The following ZNF362 variants were observed in gnomAD, a reference collection of about 807,000 sequenced individuals.
ZNF362 encodes the protein rotund homolog.
A neutral mutation model predicts 42.9 loss-of-function variants in ZNF362; 11 were observed. That is an observed-to-expected ratio of 0.26 (90% confidence interval 0.16 to 0.42). The LOEUF is 0.42. Among genes scored for constraint, ZNF362 ranks in the 20% least tolerant of loss-of-function variants. The pLI is 1.00. For missense variants in ZNF362, 362 were observed against 576.2 expected, an observed-to-expected ratio of 0.63 and a Z score of 3.81; for synonymous variants, 255 against 257.3, an observed-to-expected ratio of 0.99 and a Z score of 0.09.
intron 8 of ZNF362, among the ~76,000 whole-genome samples, chr1:33,296,692 G>A (rs1352521960): frequency 6.6e-6 from 1 of 152,180 alleles, no homozygotes; most frequent in African/African-American, 2.4e-5. Context: ...ACCCCCTGAG[G>A]GGTAACAAAC....
chr1:33,131,364 G>C, the ZNF362 span, among the ~76,000 whole-genome samples: 5 of 152,184 alleles, frequency 3.3e-5, no homozygotes, highest in Non-Finnish European at 5.9e-5. Flanking sequence ...TAAGATTGAG[G>C]CTAGGACTTT....
the ZNF362 span, among the ~76,000 whole-genome samples, chr1:33,232,425 A>AT: frequency 1.4e-4 from 21 of 151,466 alleles, no homozygotes; most frequent in Non-Finnish European, 2.1e-4. Context: ...TGCCAGGCTA[A>AT]TTTTTTTTTG....
chr1:33,255,738 G>C (rs946302767), upstream of ZNF362, among the ~76,000 whole-genome samples: 6 of 152,090 alleles, frequency 3.9e-5, no homozygotes, highest in South Asian at 1.0e-3. Flanking sequence ...CTGGGCCTGT[G>C]CAAACTTCTA....
the ZNF362 span, among the ~76,000 whole-genome samples, chr1:33,239,741 C>A: frequency 6.6e-6 from 1 of 152,126 alleles, no homozygotes; most frequent in Non-Finnish European, 1.5e-5. Flanking sequence ...CCTTGTCCTG[C>A]CCTTGACACG....
chr1:33,213,730 A>G, the ZNF362 span, among the ~76,000 whole-genome samples: 1 of 152,284 alleles, frequency 6.6e-6, no homozygotes. Flanking sequence ...CTGTAGTCCC[A>G]GCTACTTGGG....
At chr1:33,268,839 C>A (rs1317683301) in intron 1 of ZNF362, among the ~76,000 whole-genome samples, 1 of 152,138 alleles carries the variant, frequency 6.6e-6, no homozygotes, top group Non-Finnish European at 1.5e-5. Context: ...AAGTAGGGAG[C>A]TATGGAGGGT....
At chr1:33,223,174 C>T in the ZNF362 span, among the ~76,000 whole-genome samples, 1 of 151,980 alleles carries the variant, frequency 6.6e-6, no homozygotes, top group Non-Finnish European at 1.5e-5. Context: ...TCACTTGAAC[C>T]CAGGAAGCAG....
chr1:33,151,254 A>T, the ZNF362 span, among the ~76,000 whole-genome samples: 2 of 152,066 alleles, frequency 1.3e-5, no homozygotes, highest in Non-Finnish European at 2.9e-5. Context: ...AGCCCAGGGG[A>T]CAGGATGGGT....
At chr1:33,153,753 C>T in the ZNF362 span, among the ~76,000 whole-genome samples, 9 of 152,224 alleles carry the variant, frequency 5.9e-5, no homozygotes, top group Non-Finnish European at 1.2e-4. Flanking sequence ...CAAGTTTCTT[C>T]AGTCAGCAAA....
chr1:33,192,450 T>C, the ZNF362 span, among the ~76,000 whole-genome samples: 7 of 152,192 alleles, frequency 4.6e-5, no homozygotes, highest in Admixed American at 6.5e-5. Flanking sequence ...GAAGACCAGA[T>C]ACAGACCGCC....
upstream of ZNF362, among the ~76,000 whole-genome samples, chr1:33,253,582 G>A (rs1264334394): frequency 6.6e-6 from 1 of 151,942 alleles, no homozygotes. Flanking sequence ...GGCAAAGGTG[G>A]GCCAGCATGT....
chr1:33,276,740 C>A, intron 4 of ZNF362, 146 bp downstream of exon 4: 1 of 1,057,656 alleles, frequency 9.5e-7, no homozygotes, highest in Non-Finnish European at 1.2e-6. Flanking sequence ...CTTGGAGTGG[C>A]GGGGTTGGCC....
chr1:33,189,655 A>ATATATAT, the ZNF362 span, among the ~76,000 whole-genome samples: 6 of 23,336 alleles, frequency 2.6e-4, no homozygotes, highest in African/African-American at 4.8e-4. Context: ...ATATATATAT[A>ATATATAT]TATATATATA....
chr1:33,222,886 C>T, the ZNF362 span, among the ~76,000 whole-genome samples: 12 of 152,140 alleles, frequency 7.9e-5, no homozygotes, highest in Admixed American at 3.3e-4. Flanking sequence ...GTAATTGAAT[C>T]ATGGGGGCAG....
intron 1 of ZNF362, among the ~76,000 whole-genome samples, chr1:33,268,339 C>T (rs912149627): frequency 1.3e-5 from 2 of 152,190 alleles, no homozygotes; most frequent in African/African-American, 4.8e-5. Context: ...CTTTCAGTTC[C>T]CCCCACCTGA....
chr1:33,160,971 T>C, the ZNF362 span, among the ~76,000 whole-genome samples: 1 of 152,298 alleles, frequency 6.6e-6, no homozygotes, highest in South Asian at 2.1e-4. Flanking sequence ...GGTGAAGTAG[T>C]GAAGGGCACA....
At chr1:33,221,220 G>T in the ZNF362 span, among the ~76,000 whole-genome samples, 1 of 152,204 alleles carries the variant, frequency 6.6e-6, no homozygotes, top group Non-Finnish European at 1.5e-5. Context: ...GAATGTAAGA[G>T]GCTTAAGCAA....
chr1:33,181,026 T>C, the ZNF362 span: 4 of 1,348,118 alleles, frequency 3.0e-6, no homozygotes, highest in Admixed American at 2.1e-5. The surrounding 1 kb of genome is among the most constrained non-coding windows in gnomAD (Gnocchi z 6.5). Flanking sequence ...GTAGCGCACC[T>C]GCAGCTCGTC....
rs1646148044 is a variant in ZNF362 at position 33,299,276 on chromosome 1, C to T, written c.*230C>T. On this transcript the variant is annotated 3_prime_UTR_variant, in exon 9 of 9. Transcript: ENST00000539719. ...GTGGCATCCAAAGACGATCTCAGAGCACTTTGAACCTCTCTGTTGAGTTTT... is the reference window on the plus strand; with the variant it reads ...GTGGCATCCAAAGACGATCTCAGAGTACTTTGAACCTCTCTGTTGAGTTTT... The T allele has an allele frequency of 2.3e-6, 1 of 429,436 alleles. No homozygotes were observed. Among genetic ancestry groups the T allele is most frequent in the East Asian group, 3.5e-5 (1 of 28,666 alleles). The allele number at this position is 429,436 out of a possible 1,614,324, so 26.6% of individuals were successfully genotyped here.
Sources: allele counts gnomAD v4.1 joint callset (sites outside exome capture counted in the v4.1 genomes callset), GRCh38; gene constraint gnomAD v4.1.1; non-coding constraint Gnocchi (gnomAD v3.1); transcripts MANE v1.5; gene names NCBI Gene and HGNC (gene_info 2026-07-23, HGNC 2026-07-21).